NMT2: variants seen among roughly 807,000 people sequenced by gnomAD.
NMT2 encodes N-myristoyltransferase 2.
NMT2 carries 35 observed loss-of-function variants against 65.4 expected under a neutral mutation model. The observed-to-expected ratio is 0.54, with a 90% CI of 0.41 to 0.71. NMT2 has a LOEUF of 0.71. Among genes scored for constraint, NMT2 ranks in the 30% least tolerant of loss-of-function variants. NMT2 has a pLI of 0.00. For missense variants in NMT2, 489 were observed against 611.3 expected, an observed-to-expected ratio of 0.80 and a Z score of 2.11; for synonymous variants, 226 against 231.8, an observed-to-expected ratio of 0.98 and a Z score of 0.23.
rs2131500141 is a variant in NMT2 at position 15,119,390 on chromosome 10, G to A, written c.1123C>T (p.His375Tyr). ...APVMDEEEVAHWFLPREHIID... is the reference protein window; with the variant it reads ...APVMDEEEVAYWFLPREHIID... ...ATGTGCTCCCGGGGGAGGAACCAGT[G>A]GGCTACTTCCTCTTCATCCATCACT... The change falls in exon 9 of 12, where the codon CAC becomes TAC. Residue 375 changes from histidine to tyrosine, a missense_variant. Transcript: ENST00000378165. 1 of 1,614,106 alleles carries A rather than the reference G, an allele frequency of 6.2e-7. No individual in the cohort carries two copies. The highest frequency in any genetic ancestry group is 2.2e-5 in the East Asian group (1 of 44,876).
intron 1 of NMT2, among the ~76,000 whole-genome samples, chr10:15,158,253 T>C (rs565866425): frequency 6.6e-6 from 1 of 151,128 alleles, no homozygotes; most frequent in Non-Finnish European, 1.5e-5. Flanking sequence ...GAGGTGGAGG[T>C]TGCAGTGAGC....
Position 15,127,794 on chromosome 10 carries a change from T to A in NMT2, c.999+556A>T, listed in dbSNP as rs183438244. Reference sequence around the variant, plus strand: ...GGCGGGTGCCTGTAGTCCCAGCTACTTGGGAGGCTGAGGTGGGAGAATCGC... The same window carrying A: ...GGCGGGTGCCTGTAGTCCCAGCTACATGGGAGGCTGAGGTGGGAGAATCGC... On this transcript the variant is annotated intron_variant, in intron 8 of 11. Coordinates refer to ENST00000378165, the MANE Select transcript of NMT2 (RefSeq NM_004808.3). 2.2e-3 allele frequency among the ~76,000 whole-genome samples: 333 copies of A among 151,134 alleles called. 1 individual carries two copies. The highest frequency in any genetic ancestry group is 7.9e-3 in the African/African-American group (325 of 40,976).
In NMT2 at chr10:15,107,948, C is replaced by A; in HGVS notation, c.*1247G>T. ...TTACAAATAAGACATTTTCCATTAG[C>A]ATGACACATGACAGTTTTCATGATA... is the stretch of plus-strand genomic sequence containing the variant. On this transcript the variant is annotated 3_prime_UTR_variant, in exon 12 of 12. Coordinates refer to ENST00000378165, the MANE Select transcript of NMT2 (RefSeq NM_004808.3). 1 of 985,530 alleles carries A rather than the reference C, an allele frequency of 1.0e-6. No homozygotes were observed. The highest frequency in any genetic ancestry group is 1.2e-6 in the Non-Finnish European group (1 of 829,646). 61.0% of individuals were successfully genotyped at this position (985,530 alleles called of 1,614,324 possible).
intron 8 of NMT2, among the ~76,000 whole-genome samples, chr10:15,123,101 T>C (rs770380223): frequency 6.6e-6 from 1 of 152,158 alleles, no homozygotes; most frequent in Non-Finnish European, 1.5e-5. Flanking sequence ...TATCATAAGT[T>C]TGGCAACTTA....
intron 2 of NMT2, among the ~76,000 whole-genome samples, chr10:15,139,378 G>C (rs985267670): frequency 2.6e-5 from 4 of 152,048 alleles, no homozygotes; most frequent in African/African-American, 9.7e-5. Flanking sequence ...GTTCGCCACT[G>C]CCTGGCTTGG....
At chr10:15,158,179 G>A (rs1250684828) in intron 1 of NMT2, among the ~76,000 whole-genome samples, 2 of 152,080 alleles carry the variant, frequency 1.3e-5, no homozygotes, top group Non-Finnish European at 2.9e-5. Context: ...AGCCGGGCAT[G>A]GTGGCAGGCG....
intron 6 of NMT2, among the ~76,000 whole-genome samples, chr10:15,131,067 C>T (rs138175459): frequency 0.013 from 2,009 of 152,012 alleles, 22 homozygotes; most frequent in Non-Finnish European, 0.024. Context: ...GGATTATAGG[C>T]GTGAACCACC....
Position 15,106,769 on chromosome 10 carries a change from G to T in NMT2, c.*2426C>A. 4.1e-6 allele frequency: 2 copies of T among 491,778 alleles called. No homozygotes were observed. The highest frequency in any genetic ancestry group is 2.1e-5 in the African/African-American group (1 of 47,954). The allele number at this position is 491,778 out of a possible 1,614,324, so 30.5% of individuals were successfully genotyped here. Reference sequence around the variant, plus strand: ...CAATCTGTCACAACAACTCAACTCAGCTTTGTAGTGTGAAGCAGCCATAGG... The same window carrying T: ...CAATCTGTCACAACAACTCAACTCATCTTTGTAGTGTGAAGCAGCCATAGG... On this transcript the variant is annotated 3_prime_UTR_variant, in exon 12 of 12. Transcript: ENST00000378165.
chr10:15,129,907 C>CAAA (rs753710829), intron 7 of NMT2, among the ~76,000 whole-genome samples: 30 of 57,088 alleles, frequency 5.3e-4, no homozygotes, highest in African/African-American at 1.2e-3. Context: ...GAGTCTGCCT[C>CAAA]AAAAAAAAAA....
Position 15,134,617 on chromosome 10 carries a change from C to CTG in NMT2, c.391+656_391+657insCA, listed in dbSNP as rs1323956474. On this transcript the variant is annotated intron_variant, in intron 3 of 11. Transcript: ENST00000378165. Reference sequence around the variant, plus strand: ...TGCCTGGCATTTAATAACAGACACTCAACAGACACCTGCTCCATGAGGGAC... The same window carrying CTG: ...TGCCTGGCATTTAATAACAGACACTCTGAACAGACACCTGCTCCATGAGGGAC... 9.9e-5 allele frequency among the ~76,000 whole-genome samples: 15 copies of CTG among 152,196 alleles called. No homozygotes were observed. The East Asian group carries it at 2.7e-3, about 27-fold the overall frequency.
At chr10:15,144,739 AAAAG>A (rs897997343) in intron 1 of NMT2, among the ~76,000 whole-genome samples, 3 of 152,174 alleles carry the variant, frequency 2.0e-5, no homozygotes, top group Non-Finnish European at 4.4e-5. Context: ...TCAAAAAAAA[AAAAG>A]AAAGAGCCAG....
At chr10:15,154,660 A>T in intron 1 of NMT2, 1 of 413,870 alleles carries the variant, frequency 2.4e-6, no homozygotes, top group Non-Finnish European at 4.6e-6. Flanking sequence ...GAAGGGGGCA[A>T]GGAAAACATG....
At chr10:15,158,050 C>G (rs1296523492) in intron 1 of NMT2, among the ~76,000 whole-genome samples, 1 of 152,148 alleles carries the variant, frequency 6.6e-6, no homozygotes. Context: ...CACGGTGGCT[C>G]ACGCTTGTAG....
At chr10:15,160,870 T>C (rs891407167) in intron 1 of NMT2, among the ~76,000 whole-genome samples, 2 of 151,912 alleles carry the variant, frequency 1.3e-5, no homozygotes, top group Non-Finnish European at 2.9e-5. Context: ...CAGAAGCTTC[T>C]AGACTGAAAA....
In NMT2 at chr10:15,107,582, G is replaced by T; in HGVS notation, c.*1613C>A. On this transcript the variant is annotated 3_prime_UTR_variant, in exon 12 of 12. Transcript: ENST00000378165. ...ATTCTCCTGCCTCAGCCTCCTAGCA[G>T]CTGGGATTACAGGCACCCGCCACCA... The T allele has an allele frequency of 4.0e-6, 2 of 497,660 alleles. No homozygotes were observed. The highest frequency in any genetic ancestry group is 5.2e-6 in the Non-Finnish European group (2 of 384,716). The allele number at this position is 497,660 out of a possible 1,614,324, so 30.8% of individuals were successfully genotyped here.
At chr10:15,112,174 T>TATATATATATA (rs1845541889) in intron 10 of NMT2, among the ~76,000 whole-genome samples, 5 of 28,874 alleles carry the variant, frequency 1.7e-4, no homozygotes, top group Non-Finnish European at 3.2e-4. Flanking sequence ...GATATGGGCT[T>TATATATATATA]TATATATATA....
Position 15,119,423 on chromosome 10 carries a change from G to A in NMT2, c.1090C>T (p.Leu364=). The change falls in exon 9 of 12, where the codon CTG becomes TTG. Residue 364 remains leucine (L), a synonymous_variant. Coordinates refer to ENST00000378165, the MANE Select transcript of NMT2 (RefSeq NM_004808.3). The part of the protein sequence containing the change: ...LINTYLKQFH[L]APVMDEEEVA... ...TCCTCTTCATCCATCACTGGAGCCA[G>A]ATGAAACTGCTTCAGGTAAGTGTTG... 1 of 1,614,162 alleles carries A rather than the reference G, an allele frequency of 6.2e-7. No homozygotes were observed. The highest frequency in any genetic ancestry group is 1.1e-5 in the South Asian group (1 of 91,092).
chr10:15,147,319 T>A (rs1189715132), intron 1 of NMT2, among the ~76,000 whole-genome samples: 1 of 152,110 alleles, frequency 6.6e-6, no homozygotes, highest in East Asian at 1.9e-4. Flanking sequence ...AGTTCCTGCA[T>A]GGAAAATGGT....
intron 2 of NMT2, chr10:15,138,513 T>C (rs1846603344): frequency 2.1e-6 from 1 of 470,686 alleles, no homozygotes; most frequent in East Asian, 6.9e-5. Context: ...ACGATTCCAC[T>C]CCTATATAAG....
Sources: allele counts gnomAD v4.1 joint callset (sites outside exome capture counted in the v4.1 genomes callset), GRCh38; gene constraint gnomAD v4.1.1; transcripts MANE v1.5; gene names NCBI Gene and HGNC (gene_info 2026-07-23, HGNC 2026-07-21).